STAB2: variants seen among roughly 807,000 people sequenced by gnomAD.
STAB2 encodes the protein stabilin 2, also known as stabilin-2.
In STAB2, 288 loss-of-function variants were observed where a neutral mutation model predicts 338.1. The ratio of observed to expected loss-of-function variants is 0.85; its 90% CI spans 0.77 to 0.94. The LOEUF (loss-of-function observed/expected upper bound fraction) is 0.94. Among genes scored for constraint, STAB2 ranks in the 40% least tolerant of loss-of-function variants. STAB2 has a pLI of 0.00. For synonymous variants in STAB2, 1,202 were observed against 1,193.3 expected (o/e 1.01, Z -0.15); for missense variants, 3,141 against 3,210.1 (o/e 0.98, Z 0.52).
At chr12:103,668,235 T>C (rs1391510213) in intron 19 of STAB2, among the ~76,000 whole-genome samples, 3 of 152,246 alleles carry the variant, frequency 2.0e-5, no homozygotes, top group Non-Finnish European at 4.4e-5. Flanking sequence ...CAATTTTGTT[T>C]GGCAAACCTT....
intron 53 of STAB2, 21 bp downstream of exon 53, chr12:103,737,801 T>C: frequency 6.2e-7 from 1 of 1,613,176 alleles, no homozygotes; most frequent in Non-Finnish European, 8.5e-7. Flanking sequence ...AAAACAACAG[T>C]GTAGTAAGAG....
rs1222690570 is a variant in STAB2, at chr12:103,744,844, C to T, written c.6032-329C>T. On this transcript the variant is annotated intron_variant, in intron 56 of 68. Transcript: ENST00000388887. Reference sequence around the variant, plus strand: ...AGATGATCTCCCTAAATGTTCATTGCGTACCCCATGATACTCTCTACTGTG... The same window carrying T: ...AGATGATCTCCCTAAATGTTCATTGTGTACCCCATGATACTCTCTACTGTG... 3.3e-5 allele frequency among the ~76,000 whole-genome samples: 5 copies of T among 152,214 alleles called. No homozygotes were observed. The East Asian group carries it at 7.7e-4, about 23-fold the overall frequency.
intron 6 of STAB2, among the ~76,000 whole-genome samples, chr12:103,634,619 G>A (rs891950542): frequency 7.9e-5 from 12 of 152,172 alleles, no homozygotes; most frequent in East Asian, 7.7e-4. Context: ...GAATCTTTTC[G>A]GTGTTTCTTT....
rs1295269572 is a variant in STAB2 at position 103,717,812 on chromosome 12, G to T, written c.4654G>T (p.Val1552Phe). The T allele has an allele frequency of 2.5e-6, 4 of 1,614,098 alleles. No homozygotes were observed. In the Admixed American group the frequency reaches 5.0e-5, roughly 20 times the overall value. The change falls in exon 44 of 69, where the codon GTC becomes TTC. Residue 1552 changes from valine (V) to phenylalanine (F), a missense_variant. Transcript: ENST00000388887. ...GCCAGCATACACTGGAGATGGAAAGGTCTGCACACTCATCAATGTCTGCTT... is the reference window on the plus strand; with the variant it reads ...GCCAGCATACACTGGAGATGGAAAGTTCTGCACACTCATCAATGTCTGCTT... The part of the protein sequence containing the change: ...CLPAYTGDGK[V>F]CTLINVCLTK...
chr12:103,643,944 C>A (rs1873122563), intron 9 of STAB2, among the ~76,000 whole-genome samples: 1 of 79,442 alleles, frequency 1.3e-5, no homozygotes, highest in Non-Finnish European at 2.8e-5. Flanking sequence ...GCCGCCCCGT[C>A]CGGGAGGTGA....
At chr12:103,759,327 C>T in intron 65 of STAB2, 54 bp downstream of exon 65, 3 of 1,599,008 alleles carry the variant, frequency 1.9e-6, no homozygotes, top group East Asian at 2.2e-5. Context: ...ATGCAAAGTT[C>T]CTGGCATACA....
chr12:103,760,531 G>A (rs1212063602), intron 65 of STAB2, among the ~76,000 whole-genome samples: 2 of 152,310 alleles, frequency 1.3e-5, no homozygotes, highest in East Asian at 3.9e-4. Flanking sequence ...AAAGTGCTAG[G>A]ATCACAGGGG....
intron 3 of STAB2, among the ~76,000 whole-genome samples, chr12:103,609,857 G>A (rs149397321): frequency 0.013 from 2,009 of 152,200 alleles, 57 homozygotes; most frequent in African/African-American, 0.045. Flanking sequence ...TTTGAGATAC[G>A]TCCCATCAAT....
intron 34 of STAB2, among the ~76,000 whole-genome samples, chr12:103,702,014 ACACACACACC>A (rs1878920533): frequency 1.8e-5 from 2 of 109,716 alleles, no homozygotes; most frequent in South Asian, 3.0e-4. Context: ...ACACACACAC[ACACACACACC>A]CCACCCCAAT....
chr12:103,623,773 A>G (rs1957339392), intron 5 of STAB2, among the ~76,000 whole-genome samples: 1 of 152,186 alleles, frequency 6.6e-6, no homozygotes, highest in Non-Finnish European at 1.5e-5. Context: ...GGGAATTAAT[A>G]TACATAGTCA....
intron 27 of STAB2, among the ~76,000 whole-genome samples, chr12:103,687,745 G>A (rs1877561258): frequency 6.6e-6 from 1 of 152,140 alleles, no homozygotes; most frequent in Non-Finnish European, 1.5e-5. Flanking sequence ...GAACCAACAT[G>A]AAAACCCATG....
chr12:103,729,842 C>A (rs1881495114), intron 48 of STAB2, among the ~76,000 whole-genome samples: 1 of 152,138 alleles, frequency 6.6e-6, no homozygotes. Context: ...AAAGAGAAGC[C>A]AATTTTGAGC....
intron 6 of STAB2, among the ~76,000 whole-genome samples, chr12:103,632,658 G>C (rs1326098213): frequency 3.3e-5 from 5 of 152,168 alleles, no homozygotes; most frequent in Non-Finnish European, 7.4e-5. Flanking sequence ...TGGGTGCACC[G>C]CTGGGGCAGA....
intron 65 of STAB2, among the ~76,000 whole-genome samples, 165 bp downstream of exon 65, chr12:103,759,438 T>C (rs533534498): frequency 7.9e-5 from 12 of 152,308 alleles, no homozygotes; most frequent in African/African-American, 1.2e-4. Flanking sequence ...ACACTGACAA[T>C]TGGGCAGCCC....
chr12:103,720,475 T>C (rs1880676184), intron 44 of STAB2, among the ~76,000 whole-genome samples: 1 of 152,232 alleles, frequency 6.6e-6, no homozygotes, highest in Non-Finnish European at 1.5e-5. Flanking sequence ...GTCAGCCCAG[T>C]GTTGACGGTA....
At chr12:103,680,990 G>A (rs1004712498) in intron 25 of STAB2, among the ~76,000 whole-genome samples, 2 of 152,230 alleles carry the variant, frequency 1.3e-5, no homozygotes, top group Non-Finnish European at 2.9e-5. Context: ...GAAGAAATGC[G>A]ATCTTGTGCG....
Position 103,755,833 on chromosome 12 carries a change from C to T in STAB2, c.6987+115C>T, listed in dbSNP as rs1161961802. 12 of 925,460 alleles carry T rather than the reference C, an allele frequency of 1.3e-5. No homozygotes were observed. In the Admixed American group the frequency reaches 2.3e-4, roughly 18 times the overall value. 57.3% of individuals were successfully genotyped at this position (925,460 alleles called of 1,614,324 possible). A position where few individuals can be genotyped will look rare whatever the true frequency, so the allele number is the denominator to read the frequency against. ...ACAGTCACAGTTAAGAGCATGGGTG[C>T]TGGACCACCTTGCCTGAATCTAAAG... On this transcript the variant is annotated intron_variant, in intron 63 of 68. Coordinates refer to ENST00000388887, the MANE Select transcript of STAB2 (RefSeq NM_017564.10).
At chr12:103,691,892 G>A (rs1877967094) in intron 30 of STAB2, among the ~76,000 whole-genome samples, 1 of 120,890 alleles carries the variant, frequency 8.3e-6, no homozygotes, top group African/African-American at 3.3e-5. Flanking sequence ...AGTCCAGTTG[G>A]TGTTGATTGG....
intron 8 of STAB2, among the ~76,000 whole-genome samples, chr12:103,638,765 G>T (rs1441822253): frequency 6.6e-6 from 1 of 152,220 alleles, no homozygotes; most frequent in Non-Finnish European, 1.5e-5. Flanking sequence ...GGAATCCAGT[G>T]GAAAGAGCCT....
Sources: allele counts gnomAD v4.1 joint callset (sites outside exome capture counted in the v4.1 genomes callset), GRCh38; gene constraint gnomAD v4.1.1; transcripts MANE v1.5; gene names NCBI Gene and HGNC (gene_info 2026-07-23, HGNC 2026-07-21).